The following FTO variants were observed in gnomAD, a reference collection of about 807,000 sequenced individuals.
FTO encodes alpha-ketoglutarate-dependent dioxygenase FTO.
In FTO, 47 loss-of-function variants were observed where a neutral mutation model predicts 63.9. The ratio of observed to expected loss-of-function variants is 0.74; its 90% CI spans 0.58 to 0.94. The LOEUF is 0.94. Among genes scored for constraint, FTO ranks in the 40% least tolerant of loss-of-function variants. The probability of loss-of-function intolerance (pLI) is 0.00; values close to 1 mark genes in which losing one functional copy is unlikely to be tolerated. For missense variants in FTO, 562 were observed against 618.1 expected, an observed-to-expected ratio of 0.91 and a Z score of 0.96; for synonymous variants, 207 against 224.4, an observed-to-expected ratio of 0.92 and a Z score of 0.69.
chr16:53,718,498 A>C (rs1219627749), intron 1 of FTO, among the ~76,000 whole-genome samples: 6 of 151,924 alleles, frequency 3.9e-5, no homozygotes, highest in Non-Finnish European at 7.4e-5. Flanking sequence ...TTCAGTAATT[A>C]TACTCTCCTC....
At chr16:53,955,012 G>A (rs184324443) in intron 8 of FTO, among the ~76,000 whole-genome samples, 67 of 152,200 alleles carry the variant, frequency 4.4e-4, no homozygotes, top group Middle Eastern at 3.4e-3. Flanking sequence ...AGTTACCACC[G>A]TCTCTAATTA....
intron 1 of FTO, among the ~76,000 whole-genome samples, chr16:53,712,726 A>G (rs978064993): frequency 1.3e-5 from 2 of 152,148 alleles, no homozygotes; most frequent in Non-Finnish European, 2.9e-5. Context: ...TCATCTCTCC[A>G]TTGTACCTGG....
chr16:53,785,043 G>A (rs553841724), intron 1 of FTO, among the ~76,000 whole-genome samples: 1 of 152,230 alleles, frequency 6.6e-6, no homozygotes, highest in African/African-American at 2.4e-5. Flanking sequence ...AATAGTTAAA[G>A]CTAAGCTTTT....
intron 8 of FTO, among the ~76,000 whole-genome samples, chr16:54,077,120 GGATT>G (rs2086016879): frequency 6.6e-6 from 1 of 152,104 alleles, no homozygotes; most frequent in African/African-American, 2.4e-5. Context: ...TAAAAATCAT[GGATT>G]GATTTGCAGA....
intron 7 of FTO, among the ~76,000 whole-genome samples, chr16:53,925,741 A>G (rs1046450148): frequency 6.6e-6 from 1 of 152,168 alleles, no homozygotes; most frequent in African/African-American, 2.4e-5. Context: ...CCTACATGCA[A>G]CAAATTCTGC....
intron 8 of FTO, among the ~76,000 whole-genome samples, chr16:53,954,763 C>T (rs1274783532): frequency 6.6e-6 from 1 of 151,956 alleles, no homozygotes; most frequent in Admixed American, 6.6e-5. Flanking sequence ...GGAAGTGGTG[C>T]AGCAGGGGCA....
At chr16:53,839,831 A>G (rs1428439104) in intron 3 of FTO, among the ~76,000 whole-genome samples, 3 of 147,578 alleles carry the variant, frequency 2.0e-5, no homozygotes, top group Non-Finnish European at 4.5e-5. Flanking sequence ...TTTAAGGTGC[A>G]GTGTCACTAT....
At chr16:54,059,554 C>T (rs1367729490) in intron 8 of FTO, among the ~76,000 whole-genome samples, 1 of 152,192 alleles carries the variant, frequency 6.6e-6, no homozygotes, top group Non-Finnish European at 1.5e-5. Context: ...TCCTCACCAG[C>T]TCTGACAAGG....
At chr16:53,815,142 T>C (rs1026602906) in intron 2 of FTO, among the ~76,000 whole-genome samples, 6 of 151,758 alleles carry the variant, frequency 4.0e-5, no homozygotes, top group African/African-American at 1.5e-4. Flanking sequence ...AGTCTGTAAG[T>C]TCTGTAAGAA....
intron 1 of FTO, among the ~76,000 whole-genome samples, chr16:53,809,017 A>T (rs1875354954): frequency 1.3e-5 from 2 of 152,210 alleles, no homozygotes; most frequent in Non-Finnish European, 2.9e-5. Context: ...AACTCCATAT[A>T]TTCTTGAATG....
rs1167122322 is a variant in FTO at position 53,938,075 on chromosome 16, G to A, written c.1364+3966G>A. ...TTCTGCCTGCCTGCTTCATTTCAGTGATGTAGGTAAATCAAGTGTTAGAGA... is the reference window on the plus strand; with the variant it reads ...TTCTGCCTGCCTGCTTCATTTCAGTAATGTAGGTAAATCAAGTGTTAGAGA... On this transcript the variant is annotated intron_variant, in intron 8 of 8. Coordinates refer to ENST00000471389, the MANE Select transcript of FTO (RefSeq NM_001080432.3). Among the ~76,000 whole-genome samples the A allele has an allele frequency of 2.6e-5, 4 of 152,286 alleles. No individual in the cohort carries two copies. In the South Asian group the frequency reaches 6.2e-4, roughly 24 times the overall value.
intron 8 of FTO, among the ~76,000 whole-genome samples, chr16:54,009,004 C>A (rs1461713653): frequency 8.7e-5 from 7 of 80,202 alleles, no homozygotes; most frequent in Non-Finnish European, 1.6e-4. Flanking sequence ...AGAAAAAGAC[C>A]CTGTCCCCCC....
intron 1 of FTO, among the ~76,000 whole-genome samples, chr16:53,762,389 AGT>A (rs771307108): frequency 6.6e-6 from 1 of 152,188 alleles, no homozygotes; most frequent in Non-Finnish European, 1.5e-5. Context: ...ACCCCAGCAC[AGT>A]GTTTAATAAA....
rs554339451 is a variant in FTO at position 53,734,665 on chromosome 16, G to C, written c.45+30436G>C. 9.2e-5 allele frequency among the ~76,000 whole-genome samples: 14 copies of C among 152,388 alleles called. No homozygotes were observed. The South Asian group carries it at 1.2e-3, about 14-fold the overall frequency. On this transcript the variant is annotated intron_variant, in intron 1 of 8. Coordinates refer to ENST00000471389, the MANE Select transcript of FTO (RefSeq NM_001080432.3). Reference sequence around the variant, plus strand: ...GGAAGGAGGAAGTTCTCATGGAACAGTGGCTTAATGATACAGTCAAATGCA... The same window carrying C: ...GGAAGGAGGAAGTTCTCATGGAACACTGGCTTAATGATACAGTCAAATGCA...
chr16:53,718,687 T>G (rs551843600), intron 1 of FTO, among the ~76,000 whole-genome samples: 1 of 152,290 alleles, frequency 6.6e-6, no homozygotes, highest in East Asian at 1.9e-4. Flanking sequence ...TTGAATTTTA[T>G]TGAATTTTAG....
chr16:54,112,149 C>T lies in FTO; in HGVS notation c.*234C>T, dbSNP rs1194647354. On this transcript the variant is annotated 3_prime_UTR_variant, in exon 9 of 9. Coordinates refer to ENST00000471389, the MANE Select transcript of FTO (RefSeq NM_001080432.3). ...AGGACCTTCTTCCCCCAAAATTGTT[C>T]AGATTATAAAATGTGAGCCATTCAG... 1 of 540,722 alleles carries T rather than the reference C, an allele frequency of 1.8e-6. No individual in the cohort carries two copies. The highest frequency in any genetic ancestry group is 3.3e-6 in the Non-Finnish European group (1 of 301,604). 33.5% of individuals were successfully genotyped at this position (540,722 alleles called of 1,614,324 possible).
At chr16:53,966,744 G>T (rs2083204528) in intron 8 of FTO, among the ~76,000 whole-genome samples, 1 of 152,178 alleles carries the variant, frequency 6.6e-6, no homozygotes, top group East Asian at 1.9e-4. Context: ...ATATACAAGT[G>T]ATGCAATCAC....
intron 8 of FTO, among the ~76,000 whole-genome samples, chr16:54,055,296 A>G (rs2085406092): frequency 6.6e-6 from 1 of 152,202 alleles, no homozygotes; most frequent in Non-Finnish European, 1.5e-5. Flanking sequence ...CTCTGAGCAG[A>G]CTAAGATATC....
At chr16:53,865,837 C>T (rs533811326) in intron 4 of FTO, among the ~76,000 whole-genome samples, 19 of 152,310 alleles carry the variant, frequency 1.2e-4, no homozygotes, top group African/African-American at 4.3e-4. Flanking sequence ...ATAATATAAT[C>T]TGTGAACAAA....
Sources: gnomAD v4.1 joint callset for allele counts (sites outside exome capture counted in the v4.1 genomes callset) on GRCh38, gnomAD v4.1.1 for gene constraint, MANE v1.5 for transcripts, NCBI Gene and HGNC (gene_info 2026-07-23, HGNC 2026-07-21) for gene names.